Variants in TFPI observed in about 807,000 individuals in gnomAD.
TFPI encodes the protein anti-convertin.
A neutral mutation model predicts 34.6 loss-of-function variants in TFPI; 15 were observed. The observed-to-expected ratio is 0.43, with a 90% CI of 0.29 to 0.67. The LOEUF is 0.67. Among genes scored for constraint, TFPI ranks in the 30% least tolerant of loss-of-function variants. The pLI is 0.15. For synonymous variants in TFPI, 105 were observed against 120.1 expected, an observed-to-expected ratio of 0.87 and a Z score of 0.82; for missense variants, 301 against 364.0, an observed-to-expected ratio of 0.83 and a Z score of 1.41.
At chr2:187,484,046 T>C (rs1476198350) in intron 6 of TFPI, 78 bp downstream of exon 6, 1 of 1,155,484 alleles carries the variant, frequency 8.7e-7, no homozygotes, top group East Asian at 2.4e-5. Context: ...TTTAAAGACA[T>C]ACTTCTAATA....
At chr2:187,501,965 C>A (rs1044879803) in intron 2 of TFPI, among the ~76,000 whole-genome samples, 5 of 151,936 alleles carry the variant, frequency 3.3e-5, no homozygotes, top group African/African-American at 1.2e-4. Context: ...TACCTTATTT[C>A]AATTAAATAA....
At chr2:187,519,189 C>G (rs1687206380) in intron 1 of TFPI, 1 of 152,138 alleles carries the variant, frequency 6.6e-6, no homozygotes, top group Non-Finnish European at 1.5e-5. Context: ...CCCTTGCTGG[C>G]AAGGAGTGTG....
At chr2:187,476,769 C>A (rs1282752110) in intron 6 of TFPI, among the ~76,000 whole-genome samples, 1 of 152,166 alleles carries the variant, frequency 6.6e-6, no homozygotes, top group Non-Finnish European at 1.5e-5. Flanking sequence ...TACCACATTA[C>A]TAAGCTGCCC....
chr2:187,496,256 G>A (rs1685470067), intron 3 of TFPI, among the ~76,000 whole-genome samples: 1 of 151,836 alleles, frequency 6.6e-6, no homozygotes, highest in Non-Finnish European at 1.5e-5. Flanking sequence ...TTCATATATA[G>A]TTCTACTATT....
intron 5 of TFPI, 123 bp downstream of exon 5, chr2:187,484,688 C>A: frequency 2.5e-6 from 2 of 793,078 alleles, no homozygotes; most frequent in African/African-American, 1.8e-5. Flanking sequence ...ACATTGAATG[C>A]ACACAAATAT....
In TFPI at chr2:187,554,263, T is replaced by C. The variant is rs1369693651; in HGVS notation, c.-66A>G. 1 of 152,224 alleles carries C rather than the reference T, an allele frequency of 6.6e-6. No homozygotes were observed. Among genetic ancestry groups the C allele is most frequent in the Non-Finnish European group, 1.5e-5 (1 of 68,038 alleles). The allele number at this position is 152,224 out of a possible 1,614,324, so 9.4% of individuals were successfully genotyped here. ...TCAAAACGGAGTTGAGGTTATTTTG[T>C]TTTTCCTTCCAGGTATTGAAGACAG... On this transcript the variant is annotated 5_prime_UTR_variant, in exon 1 of 8. Coordinates refer to ENST00000233156, the MANE Select transcript of TFPI (RefSeq NM_006287.6).
intron 1 of TFPI, among the ~76,000 whole-genome samples, chr2:187,521,528 C>T (rs1687371922): frequency 6.6e-6 from 1 of 151,964 alleles, no homozygotes; most frequent in Non-Finnish European, 1.5e-5. Flanking sequence ...ATACCCATAG[C>T]TACTCTACCA....
At chr2:187,490,746 T>C (rs1433607959) in intron 3 of TFPI, among the ~76,000 whole-genome samples, 1 of 151,814 alleles carries the variant, frequency 6.6e-6, no homozygotes, top group South Asian at 2.1e-4. Flanking sequence ...AAGTTGAGTA[T>C]AAATATCACT....
chr2:187,509,893 G>A (rs1217604713), intron 1 of TFPI, among the ~76,000 whole-genome samples: 1 of 152,114 alleles, frequency 6.6e-6, no homozygotes, highest in African/African-American at 2.4e-5. Flanking sequence ...TACTCCCAAA[G>A]CCAAACTACA....
intron 1 of TFPI, among the ~76,000 whole-genome samples, chr2:187,509,759 T>C (rs547359466): frequency 2.4e-4 from 37 of 152,312 alleles, no homozygotes; most frequent in African/African-American, 8.2e-4. Context: ...CCTGTACTCA[T>C]TGATTTTTGA....
At position 187,488,369 on chromosome 2, in the gene TFPI, G is replaced by T. The variant is rs749129640; in HGVS notation, c.326C>A (p.Ala109Glu). The change falls in exon 4 of 8, where the codon GCA becomes GAA. Residue 109 changes from alanine (A) to glutamate (E), a missense_variant. Coordinates refer to ENST00000233156, the MANE Select transcript of TFPI (RefSeq NM_006287.6). ...ECKKMCTRDNANRIIKTTLQQ... is the reference protein window; with the variant it reads ...ECKKMCTRDNENRIIKTTLQQ... ...CAATGTTGTCTTTATAATCCTGTTTGCATTATCTGTAATCAAAAGAATATA... is the reference window on the plus strand; with the variant it reads ...CAATGTTGTCTTTATAATCCTGTTTTCATTATCTGTAATCAAAAGAATATA... 2 of 1,552,430 alleles carry T rather than the reference G, an allele frequency of 1.3e-6. No homozygotes were observed. Among genetic ancestry groups the T allele is most frequent in the Admixed American group, 4.1e-5 (2 of 48,204 alleles).
chr2:187,551,096 A>G (rs1040500829), intron 1 of TFPI, among the ~76,000 whole-genome samples: 1 of 152,174 alleles, frequency 6.6e-6, no homozygotes. Flanking sequence ...CTACTGATGA[A>G]TACTTTCACA....
chr2:187,537,969 C>T (rs1688357671), intron 1 of TFPI, among the ~76,000 whole-genome samples: 1 of 152,178 alleles, frequency 6.6e-6, no homozygotes, highest in East Asian at 1.9e-4. Context: ...ATGCAATCAA[C>T]AAACATATGA....
intron 1 of TFPI, among the ~76,000 whole-genome samples, chr2:187,520,941 T>C (rs950652716): frequency 2.0e-5 from 3 of 152,042 alleles, no homozygotes; most frequent in Non-Finnish European, 2.9e-5. Flanking sequence ...TTTTTAATTT[T>C]TTCTGAGTGC....
chr2:187,493,477 G>A (rs8176470), intron 3 of TFPI, among the ~76,000 whole-genome samples: 75 of 152,222 alleles, frequency 4.9e-4, no homozygotes, highest in Non-Finnish European at 8.8e-4. Flanking sequence ...CCATTTTCCT[G>A]GTGATTAACA....
At chr2:187,533,445 A>G (rs1336036853) in intron 1 of TFPI, among the ~76,000 whole-genome samples, 2 of 152,212 alleles carry the variant, frequency 1.3e-5, no homozygotes, top group African/African-American at 2.4e-5. Context: ...GACCTCAAGC[A>G]AACTCCAGCA....
intron 1 of TFPI, chr2:187,529,419 A>T (rs1460215594): frequency 6.6e-6 from 1 of 152,278 alleles, no homozygotes; most frequent in Admixed American, 6.5e-5. Context: ...GTTCCTGGTG[A>T]GGGCTCTCTC....
chr2:187,491,744 G>T (rs1019322978), intron 3 of TFPI, among the ~76,000 whole-genome samples: 1 of 152,032 alleles, frequency 6.6e-6, no homozygotes, highest in Non-Finnish European at 1.5e-5. Flanking sequence ...GGAACAAATG[G>T]TAGTTCTATT....
chr2:187,473,297 G>A (rs1301725161), intron 6 of TFPI, among the ~76,000 whole-genome samples: 2 of 152,066 alleles, frequency 1.3e-5, no homozygotes, highest in Non-Finnish European at 1.5e-5. Flanking sequence ...AGGGAGCTTA[G>A]AGATTTGCTA....
Sources: allele counts gnomAD v4.1 joint callset (sites outside exome capture counted in the v4.1 genomes callset), GRCh38; gene constraint gnomAD v4.1.1; transcripts MANE v1.5; gene names NCBI Gene and HGNC (gene_info 2026-07-23, HGNC 2026-07-21).